KLF13: variants seen among roughly 807,000 people sequenced by gnomAD.
KLF13 encodes the protein Krueppel-like factor 13.
A neutral mutation model predicts 16.7 loss-of-function variants in KLF13; 8 were observed. That is an observed-to-expected ratio of 0.48 (90% CI 0.28 to 0.87). The LOEUF (loss-of-function observed/expected upper bound fraction) is 0.87. KLF13 is among the 40% of genes least tolerant of loss of function. KLF13 has a pLI of 0.10. For missense variants in KLF13, 447 were observed against 452.2 expected (o/e 0.99, Z 0.10); for synonymous variants, 245 against 208.4 (o/e 1.18, Z -1.51).
intron 1 of KLF13, among the ~76,000 whole-genome samples, chr15:31,360,304 T>C (rs1194765692): frequency 6.6e-6 from 1 of 152,058 alleles, no homozygotes; most frequent in Middle Eastern, 3.2e-3. Context: ...AGGGTGGGCT[T>C]TGTCTCCTGA....
chr15:31,347,025 G>A (rs948788202), intron 1 of KLF13, among the ~76,000 whole-genome samples: 2 of 152,198 alleles, frequency 1.3e-5, no homozygotes, highest in African/African-American at 2.4e-5. Flanking sequence ...GGCTCTCATC[G>A]GGGCTGGGAC....
rs2039651658 is a variant in KLF13 at position 31,376,675 on chromosome 15, G to T, written c.*4376G>T. Reference sequence around the variant, plus strand: ...ATAGTCCACCTTACTACTGATACACGCCTGAGCACCCTTTAGGGCGAGGCG... The same window carrying T: ...ATAGTCCACCTTACTACTGATACACTCCTGAGCACCCTTTAGGGCGAGGCG... On this transcript the variant is annotated 3_prime_UTR_variant, in exon 2 of 2. Transcript: ENST00000307145. 6.6e-6 allele frequency: 1 copy of T among 152,556 alleles called. No individual in the cohort carries two copies. The highest frequency in any genetic ancestry group is 1.5e-5 in the Non-Finnish European group (1 of 68,048). 9.5% of individuals were successfully genotyped at this position (152,556 alleles called of 1,614,324 possible). A position where few individuals can be genotyped will look rare whatever the true frequency, so the allele number is the denominator to read the frequency against.
chr15:31,366,705 G>T (rs566072463), intron 1 of KLF13, among the ~76,000 whole-genome samples: 1 of 33,578 alleles, frequency 3.0e-5, no homozygotes, highest in African/African-American at 1.1e-4. Context: ...ACTCCCTGAA[G>T]GGCCGGGCCT....
rs571639566 is a variant in KLF13 at position 31,351,540 on chromosome 15, G to A, written c.578-20470G>A. ...AGTGATTGGCTGTCCTGGGACAGCC[G>A]TCCACCTCATTATTTTCAGGGGGAG... is the stretch of plus-strand genomic sequence containing the variant. On this transcript the variant is annotated intron_variant, in intron 1 of 1. Transcript: ENST00000307145. 4.6e-5 allele frequency among the ~76,000 whole-genome samples: 7 copies of A among 152,274 alleles called. No individual in the cohort carries two copies. In the East Asian group the frequency reaches 9.6e-4, roughly 21 times the overall value.
intron 1 of KLF13, among the ~76,000 whole-genome samples, chr15:31,434,809 C>T (rs976260572): frequency 3.3e-5 from 5 of 152,340 alleles, no homozygotes; most frequent in African/African-American, 1.2e-4. Context: ...AATGCCGGCG[C>T]GCAGCAGCTT....
Position 31,327,004 on chromosome 15 carries a change from C to T in KLF13, c.-209C>T. The stretch of plus-strand genomic sequence containing the variant: ...GTCGCCCGCGCGCCCCATGCGCTCA[C>T]TCTTCGGTGCCCGGCCGGGCCGGCG... On this transcript the variant is annotated 5_prime_UTR_variant, in exon 1 of 2. Transcript: ENST00000307145. 4.3e-6 allele frequency: 1 copy of T among 230,400 alleles called. No homozygotes were observed. The highest frequency in any genetic ancestry group is 7.4e-6 in the Non-Finnish European group (1 of 134,674). 14.3% of individuals were successfully genotyped at this position (230,400 alleles called of 1,614,324 possible). A position where few individuals can be genotyped will look rare whatever the true frequency, so the allele number is the denominator to read the frequency against.
chr15:31,330,159 G>A, intron 1 of KLF13, among the ~76,000 whole-genome samples: 1 of 152,176 alleles, frequency 6.6e-6, no homozygotes, highest in Non-Finnish European at 1.5e-5. Flanking sequence ...TTGCAGAAGG[G>A]AGAAACCCAG....
chr15:31,424,705 G>GT (rs1016343326), intron 1 of KLF13, among the ~76,000 whole-genome samples: 22 of 152,250 alleles, frequency 1.4e-4, no homozygotes, highest in African/African-American at 4.8e-4. Flanking sequence ...TATCTCTAAG[G>GT]TTAGGGACAA....
exon 3 of KLF13, chr15:31,404,505 A>G (rs1339037886): frequency 2.0e-5 from 3 of 152,248 alleles, no homozygotes; most frequent in Non-Finnish European, 4.4e-5. Context: ...TGTAAAGTGG[A>G]CCAATCAGAA....
intron 1 of KLF13, among the ~76,000 whole-genome samples, chr15:31,335,958 A>G (rs925649901): frequency 6.6e-6 from 1 of 152,250 alleles, no homozygotes; most frequent in Non-Finnish European, 1.5e-5. Context: ...CTCCTGTCTC[A>G]GGAGAAACTT....
intron 1 of KLF13, among the ~76,000 whole-genome samples, chr15:31,354,766 G>A (rs1308779826): frequency 1.3e-5 from 2 of 152,130 alleles, no homozygotes; most frequent in Non-Finnish European, 2.9e-5. Flanking sequence ...TTCAGCACCT[G>A]CTAGCCCCCT....
intron 1 of KLF13, among the ~76,000 whole-genome samples, chr15:31,386,324 C>G (rs1393011618): frequency 6.6e-6 from 1 of 152,138 alleles, no homozygotes; most frequent in African/African-American, 2.4e-5. Context: ...ACGGTGAAAC[C>G]CTGTTTCTAC....
chr15:31,425,714 T>C (rs529452613), intron 1 of KLF13, among the ~76,000 whole-genome samples: 4 of 152,132 alleles, frequency 2.6e-5, no homozygotes, highest in African/African-American at 7.2e-5. Context: ...CCGTCTCTAC[T>C]AAAAACACAA....
chr15:31,413,629 A>C (rs1448882664), intron 1 of KLF13, among the ~76,000 whole-genome samples: 2 of 152,230 alleles, frequency 1.3e-5, no homozygotes, highest in East Asian at 3.8e-4. Context: ...GCTATATTTG[A>C]AAAATGAAGG....
intron 1 of KLF13, among the ~76,000 whole-genome samples, chr15:31,368,555 A>AT (rs964652581): frequency 7.8e-4 from 119 of 152,280 alleles, no homozygotes; most frequent in African/African-American, 2.6e-3. Context: ...AATACATAGG[A>AT]TTTTTTTAAA....
At position 31,414,966 on chromosome 15, in the gene KLF13, G is replaced by A. The variant is rs912200591; in HGVS notation, n.118-20404G>A. On this transcript the variant is annotated intron_variant and non_coding_transcript_variant, in intron 1 of 1. Coordinates refer to the KLF13 transcript ENST00000558225. ...AAATTGGAGGCATTTGGGTCATGGA[G>A]GTATATCCTTCATGAATGTCTTGGT... 4.6e-5 allele frequency among the ~76,000 whole-genome samples: 7 copies of A among 152,240 alleles called. No homozygotes were observed. The South Asian group carries it at 1.2e-3, about 27-fold the overall frequency.
In KLF13 at chr15:31,420,236, C is replaced by T. The variant is rs548613466; in HGVS notation, n.118-15134C>T. ...GAATCCTGTGGGCAAAAGACTACAG[C>T]AGGAGCTGATGACCCTCATGATATC... On this transcript the variant is annotated intron_variant and non_coding_transcript_variant, in intron 1 of 1. Coordinates refer to the KLF13 transcript ENST00000558225. The T allele has an allele frequency of 2.8e-4, 186 of 660,632 alleles. 1 individual carries two copies. Among genetic ancestry groups the T allele is most frequent in the Non-Finnish European group, 4.8e-4 (170 of 354,272 alleles). 40.9% of individuals were successfully genotyped at this position (660,632 alleles called of 1,614,324 possible).
chr15:31,402,527 C>T (rs1401940525), intron 2 of KLF13, among the ~76,000 whole-genome samples: 2 of 152,342 alleles, frequency 1.3e-5, no homozygotes, highest in Middle Eastern at 3.4e-3. Flanking sequence ...CTCAGGAAGT[C>T]CACAGAGCCT....
At chr15:31,331,068 C>T (rs1030497749) in intron 1 of KLF13, among the ~76,000 whole-genome samples, 2 of 152,220 alleles carry the variant, frequency 1.3e-5, no homozygotes, top group South Asian at 2.1e-4. Flanking sequence ...AGCAGAATGG[C>T]CACTTGGTCT....
Sources: allele counts gnomAD v4.1 joint callset (sites outside exome capture counted in the v4.1 genomes callset), GRCh38; gene constraint gnomAD v4.1.1; transcripts MANE v1.5; gene names NCBI Gene and HGNC (gene_info 2026-07-23, HGNC 2026-07-21).